Variants in ZNF556 observed in about 807,000 individuals in gnomAD.
ZNF556 encodes zinc finger protein 556.
A neutral mutation model predicts 13.6 loss-of-function variants in ZNF556; 11 were observed. The observed-to-expected ratio is 0.81, with a 90% CI of 0.51 to 1.33. The LOEUF (loss-of-function observed/expected upper bound fraction) is 1.33, where lower values mean the gene tolerates loss of function less well. ZNF556 is among the 40% of genes most tolerant of loss of function. The pLI, the probability that ZNF556 is intolerant of heterozygous loss-of-function variation, is 0.00. For synonymous variants in ZNF556, 229 were observed against 207.8 expected (o/e 1.10, Z -0.88); for missense variants, 633 against 566.2 (o/e 1.12, Z -1.20).
intron 2 of ZNF556, among the ~76,000 whole-genome samples, chr19:2,874,758 A>AAAAAAAAAG (rs1555725942): frequency 3.1e-4 from 40 of 130,718 alleles, no homozygotes; most frequent in Non-Finnish European, 4.9e-4. Context: ...AAAAAAAAAA[A>AAAAAAAAAG]AAAGAAAGAA....
chr19:2,882,531 A>ATAGTGTGTGTGTGTGTGTGT lies in ZNF556; in HGVS notation c.*4202_*4203insTAGTGTGTGTGTGTGTGTGT, dbSNP rs57053138. On this transcript the variant is annotated 3_prime_UTR_variant, in exon 4 of 4. Transcript: ENST00000307635. Reference sequence around the variant, plus strand: ...ATACATTTTATATATATATATATATAGTGTGTGTGTGTGTGTGTGTGTGTG... The same window carrying ATAGTGTGTGTGTGTGTGTGT: ...ATACATTTTATATATATATATATATATAGTGTGTGTGTGTGTGTGTGTGTGTGTGTGTGTGTGTGTGTGTG... The ATAGTGTGTGTGTGTGTGTGT allele has an allele frequency of 2.0e-4, 25 of 127,704 alleles. No individual in the cohort carries two copies. In the East Asian group the frequency reaches 2.1e-3, roughly 11 times the overall value. 7.9% of individuals were successfully genotyped at this position (127,704 alleles called of 1,614,324 possible).
chr19:2,880,959 C>G lies in ZNF556; in HGVS notation c.*2630C>G, dbSNP rs568958577. 6.6e-6 allele frequency: 1 copy of G among 151,262 alleles called. No homozygotes were observed. Among genetic ancestry groups the G allele is most frequent in the Non-Finnish European group, 1.5e-5 (1 of 67,840 alleles). 9.4% of individuals were successfully genotyped at this position (151,262 alleles called of 1,614,324 possible). Reference sequence around the variant, plus strand: ...TCTTGGCTCACTGCAACCCCCCCGCCAAGGTTCAAGTGATTCTCCTACCTC... The same window carrying G: ...TCTTGGCTCACTGCAACCCCCCCGCGAAGGTTCAAGTGATTCTCCTACCTC... On this transcript the variant is annotated 3_prime_UTR_variant, in exon 4 of 4. Transcript: ENST00000307635.
intron 1 of ZNF556, among the ~76,000 whole-genome samples, chr19:2,871,100 G>A (rs1412919645): frequency 1.4e-5 from 2 of 148,066 alleles, no homozygotes; most frequent in Non-Finnish European, 3.0e-5. Context: ...AAACACAGAG[G>A]TTGCAGTGAG....
rs890293079 is a variant in ZNF556 at position 2,882,441 on chromosome 19, G to A, written c.*4112G>A. On this transcript the variant is annotated 3_prime_UTR_variant, in exon 4 of 4. Transcript: ENST00000307635. ...GGACTCTGTCTCAAAAAAAAAAAGAGACAAAAGGTATATTTATGGTTCAGC... is the reference window on the plus strand; with the variant it reads ...GGACTCTGTCTCAAAAAAAAAAAGAAACAAAAGGTATATTTATGGTTCAGC... The A allele has an allele frequency of 6.6e-6, 1 of 150,928 alleles. No individual in the cohort carries two copies. The highest frequency in any genetic ancestry group is 2.4e-5 in the African/African-American group (1 of 41,072). 9.3% of individuals were successfully genotyped at this position (150,928 alleles called of 1,614,324 possible).
In ZNF556 at chr19:2,882,531, AGTGTG is replaced by A. The variant is rs1429274293; in HGVS notation, c.*4203_*4207del. ...ATACATTTTATATATATATATATAT[AGTGTG>A]TGTGTGTGTGTGTGTGTGTGTGTGT... On this transcript the variant is annotated 3_prime_UTR_variant, in exon 4 of 4. Transcript: ENST00000307635. 9.4e-5 allele frequency: 12 copies of A among 127,724 alleles called. No homozygotes were observed. The South Asian group carries it at 1.1e-3, about 11-fold the overall frequency. The allele number at this position is 127,724 out of a possible 1,614,324, so 7.9% of individuals were successfully genotyped here. A position where few individuals can be genotyped will look rare whatever the true frequency, so the allele number is the denominator to read the frequency against.
In ZNF556 at chr19:2,878,662, C is replaced by T. The variant is rs566480930; in HGVS notation, c.*333C>T. ...CTGCACTCCAGCCTGGGTGACAGAG[C>T]GAGACTCCATCTCCAAAAAAAGAAA... On this transcript the variant is annotated 3_prime_UTR_variant, in exon 4 of 4. Coordinates refer to ENST00000307635, the MANE Select transcript of ZNF556 (RefSeq NM_024967.3). 3.3e-5 allele frequency: 6 copies of T among 181,532 alleles called. No homozygotes were observed. The highest frequency in any genetic ancestry group is 4.7e-5 in the Non-Finnish European group (4 of 85,746). The allele number at this position is 181,532 out of a possible 1,614,324, so 11.2% of individuals were successfully genotyped here.
At chr19:2,876,370 A>G (rs2087852256) in intron 3 of ZNF556, 94 bp downstream of exon 3, 1 of 1,287,328 alleles carries the variant, frequency 7.8e-7, no homozygotes, top group Non-Finnish European at 1.1e-6. Context: ...GAGGCGGATC[A>G]CCTGGGGTGA....
rs530443788 is a variant in ZNF556 at position 2,876,526 on chromosome 19, C to T, written c.314+250C>T. Among the ~76,000 whole-genome samples, 6 of 152,188 alleles carry T rather than the reference C, an allele frequency of 3.9e-5. No individual in the cohort carries two copies. In the South Asian group the frequency reaches 1.2e-3, roughly 32 times the overall value. ...CCTGGGGTGAGGAGTTTGTGACCAGCCTGACCGACATGGTGAAACCCTGTC... is the reference window on the plus strand; with the variant it reads ...CCTGGGGTGAGGAGTTTGTGACCAGTCTGACCGACATGGTGAAACCCTGTC... On this transcript the variant is annotated intron_variant, in intron 3 of 3. Transcript: ENST00000307635.
intron 2 of ZNF556, 107 bp downstream of exon 2, chr19:2,873,729 G>C (rs1227823577): frequency 1.3e-5 from 18 of 1,361,446 alleles, no homozygotes; most frequent in Non-Finnish European, 1.7e-5. Flanking sequence ...TAAGGCAGGA[G>C]GATCACTTGA....
intron 1 of ZNF556, among the ~76,000 whole-genome samples, chr19:2,872,336 C>T (rs1181449153): frequency 6.6e-6 from 1 of 151,400 alleles, no homozygotes; most frequent in Non-Finnish European, 1.5e-5. Context: ...CAGGCGTCTT[C>T]CCAGACGCTG....
rs781199823 is a variant in ZNF556, at chr19:2,877,255, T to A, written c.315-18T>A. The A allele has an allele frequency of 6.4e-7, 1 of 1,574,002 alleles. No individual in the cohort carries two copies. The highest frequency in any genetic ancestry group is 1.4e-5 in the African/African-American group (1 of 72,834). On this transcript the variant is annotated intron_variant, in intron 3 of 3. Transcript: ENST00000307635. ...TTATTAAGGCATAAACCATTAATAATGTGCTACCCATTTTTAGCAGAAATC... is the reference window on the plus strand; with the variant it reads ...TTATTAAGGCATAAACCATTAATAAAGTGCTACCCATTTTTAGCAGAAATC...
At chr19:2,877,144 A>C in intron 3 of ZNF556, 129 bp from the exon 4 acceptor site, 1 of 685,330 alleles carries the variant, frequency 1.5e-6, no homozygotes, top group Non-Finnish European at 2.4e-6. Flanking sequence ...TGGGAGGCAG[A>C]GGTTGCAGTG....
At chr19:2,868,318 A>G (rs569626142) in intron 1 of ZNF556, among the ~76,000 whole-genome samples, 35 of 152,336 alleles carry the variant, frequency 2.3e-4, no homozygotes, top group African/African-American at 8.2e-4. Flanking sequence ...TGTTTGGTAT[A>G]TAATTTGGTG....
At position 2,881,850 on chromosome 19, in the gene ZNF556, G is replaced by C. The variant is rs1311772678; in HGVS notation, c.*3521G>C. ...GGACCAGGGGCAGTGGCTCACACTT[G>C]TAATTCCAAAGCTTCGGGAGGCTGA... On this transcript the variant is annotated 3_prime_UTR_variant, in exon 4 of 4. Transcript: ENST00000307635. 1 of 152,170 alleles carries C rather than the reference G, an allele frequency of 6.6e-6. No individual in the cohort carries two copies. Among genetic ancestry groups the C allele is most frequent in the Non-Finnish European group, 1.5e-5 (1 of 68,068 alleles). 9.4% of individuals were successfully genotyped at this position (152,170 alleles called of 1,614,324 possible).
Position 2,873,619 on chromosome 19 carries a change from G to T in ZNF556, c.127G>T (p.Val43Leu), listed in dbSNP as rs1454267638. 6.2e-7 allele frequency: 1 copy of T among 1,613,594 alleles called. No individual in the cohort carries two copies. The highest frequency in any genetic ancestry group is 8.5e-7 in the Non-Finnish European group (1 of 1,179,574). ...GGAGACCTTCAAGCACCTGGCCTCA[G>T]TAGGTGAGGATAGCATTATTTCTGC... ...MLETFKHLAS[V>L]DNEAQLKASG... The change falls in exon 2 of 4, where the codon GTA (valine) becomes TTA (leucine). Residue 43 changes from valine (V) to leucine (L), a missense_variant. Coordinates refer to ENST00000307635, the MANE Select transcript of ZNF556 (RefSeq NM_024967.3).
At position 2,878,501 on chromosome 19, in the gene ZNF556, ACT is replaced by A; in HGVS notation, c.*173_*174del. Reference sequence around the variant, plus strand: ...CTGGCTATGGTGAAACCCCGTCTCTACTAAAAAAAAAAAAAATACAAAAAATT... The same window carrying A: ...CTGGCTATGGTGAAACCCCGTCTCTAAAAAAAAAAAAAAATACAAAAAATT... On this transcript the variant is annotated 3_prime_UTR_variant, in exon 4 of 4. Coordinates refer to ENST00000307635, the MANE Select transcript of ZNF556 (RefSeq NM_024967.3). 1.8e-6 allele frequency: 1 copy of A among 563,010 alleles called. No homozygotes were observed. The allele number at this position is 563,010 out of a possible 1,614,324, so 34.9% of individuals were successfully genotyped here.
At position 2,878,130 on chromosome 19, in the gene ZNF556, A is replaced by G; in HGVS notation, c.1172A>G (p.Lys391Arg). 2 of 1,614,130 alleles carry G rather than the reference A, an allele frequency of 1.2e-6. No homozygotes were observed. The highest frequency in any genetic ancestry group is 1.7e-6 in the Non-Finnish European group (2 of 1,180,016). Reference protein sequence around the residue: ...WSSSLHKHERKHTGEKPVNAA... With the variant: ...WSSSLHKHERRHTGEKPVNAA... ...TCATCTTTACACAAACATGAGAGAA[A>G]GCACACTGGGGAGAAACCTGTAAAT... The change falls in exon 4 of 4, where the codon AAG becomes AGG. Residue 391 changes from lysine to arginine, a missense_variant. Lys to Arg is a conservative substitution (Grantham distance 26). Transcript: ENST00000307635.
chr19:2,868,822 G>A (rs928303787), intron 1 of ZNF556, among the ~76,000 whole-genome samples: 31 of 151,408 alleles, frequency 2.0e-4, no homozygotes, highest in Admixed American at 1.4e-3. Context: ...GGGTTCAAGC[G>A]ATTCTCCTAC....
rs537869891 is a variant in ZNF556 at position 2,878,135 on chromosome 19, A to T, written c.1177A>T (p.Thr393Ser). The stretch of plus-strand genomic sequence containing the variant: ...TTTACACAAACATGAGAGAAAGCAC[A>T]CTGGGGAGAAACCTGTAAATGCAGC... The part of the protein sequence containing the change: ...SSLHKHERKH[T>S]GEKPVNAASV... The change falls in exon 4 of 4, where the codon ACT becomes TCT. Residue 393 changes from threonine to serine, a missense_variant. Coordinates refer to ENST00000307635, the MANE Select transcript of ZNF556 (RefSeq NM_024967.3). 2 of 1,614,136 alleles carry T rather than the reference A, an allele frequency of 1.2e-6. No individual in the cohort carries two copies. The highest frequency in any genetic ancestry group is 1.7e-6 in the Non-Finnish European group (2 of 1,180,022).
Sources: allele counts gnomAD v4.1 joint callset (sites outside exome capture counted in the v4.1 genomes callset), GRCh38; gene constraint gnomAD v4.1.1; transcripts MANE v1.5; gene names NCBI Gene and HGNC (gene_info 2026-07-23, HGNC 2026-07-21).